Variants in FRMD5 observed in about 807,000 individuals in gnomAD.
The protein encoded by FRMD5 is FERM domain-containing protein 5.
FRMD5 carries 20 observed loss-of-function variants against 69.0 expected under a neutral mutation model. That is an observed-to-expected ratio of 0.29 (90% confidence interval 0.20 to 0.42). The LOEUF is 0.42. Ranked by LOEUF, FRMD5 falls within the 10% of genes least tolerant of loss-of-function variation. The pLI, the probability that FRMD5 is intolerant of heterozygous loss-of-function variation, is 1.00. For synonymous variants in FRMD5, 271 were observed against 260.1 expected (o/e 1.04, Z -0.40); for missense variants, 595 against 708.6 (o/e 0.84, Z 1.82).
At chr15:43,913,652 G>A (rs1168618077) in intron 4 of FRMD5, among the ~76,000 whole-genome samples, 1 of 152,246 alleles carries the variant, frequency 6.6e-6, no homozygotes, top group African/African-American at 2.4e-5. Flanking sequence ...CAGGGCCACT[G>A]TGTGTTGCCA....
At chr15:43,929,903 C>A (rs1351406138) in intron 1 of FRMD5, among the ~76,000 whole-genome samples, 1 of 152,214 alleles carries the variant, frequency 6.6e-6, no homozygotes, top group African/African-American at 2.4e-5. Flanking sequence ...GGTTCCAGAG[C>A]AGATGCTGTG....
chr15:44,077,049 C>T (rs967793392), intron 1 of FRMD5, among the ~76,000 whole-genome samples: 5 of 152,062 alleles, frequency 3.3e-5, no homozygotes, highest in Admixed American at 6.6e-5. Flanking sequence ...ACAACACTCT[C>T]GCCTTGATAC....
chr15:44,122,290 A>G (rs2076963886), intron 1 of FRMD5, among the ~76,000 whole-genome samples: 1 of 152,046 alleles, frequency 6.6e-6, no homozygotes, highest in Middle Eastern at 3.2e-3. Context: ...TAGGCTGGGC[A>G]TGGTGGCTCA....
chr15:44,092,215 T>A (rs2076483272), intron 1 of FRMD5, among the ~76,000 whole-genome samples: 1 of 152,156 alleles, frequency 6.6e-6, no homozygotes, highest in African/African-American at 2.4e-5. Flanking sequence ...GTCCTTCAGA[T>A]TCCACTTCCA....
intron 1 of FRMD5, among the ~76,000 whole-genome samples, chr15:43,966,704 C>T (rs1434585820): frequency 2.0e-5 from 3 of 152,072 alleles, no homozygotes; most frequent in Non-Finnish European, 4.4e-5. Flanking sequence ...TTGCTCAGAG[C>T]CAAAGGTTTA....
intron 1 of FRMD5, among the ~76,000 whole-genome samples, chr15:44,188,218 A>C (rs888966333): frequency 2.6e-5 from 4 of 152,218 alleles, no homozygotes; most frequent in African/African-American, 9.6e-5. Flanking sequence ...CAACAGCATC[A>C]AACTGGTATA....
At chr15:43,990,113 G>A (rs1401412037) in intron 1 of FRMD5, 30 of 642,738 alleles carry the variant, frequency 4.7e-5, no homozygotes, top group Middle Eastern at 3.3e-4. Context: ...GGTGGGCATC[G>A]TCACCTGCAA....
Position 43,942,317 on chromosome 15 carries a change from T to A in FRMD5, c.103-18008A>T, listed in dbSNP as rs574581926. 1.3e-4 allele frequency among the ~76,000 whole-genome samples: 20 copies of A among 152,326 alleles called. No individual in the cohort carries two copies. The East Asian group carries it at 3.9e-3, about 29-fold the overall frequency. ...CTCAAAGACAAGAGTCCCTCAGACATCTGCCCCCTCCCTCTCCTAGAGCAG... is the reference window on the plus strand; with the variant it reads ...CTCAAAGACAAGAGTCCCTCAGACAACTGCCCCCTCCCTCTCCTAGAGCAG... On this transcript the variant is annotated intron_variant, in intron 1 of 13. Coordinates refer to ENST00000417257, the MANE Select transcript of FRMD5 (RefSeq NM_032892.5).
intron 1 of FRMD5, among the ~76,000 whole-genome samples, chr15:44,016,657 A>C (rs1040628998): frequency 2.0e-5 from 3 of 152,014 alleles, no homozygotes; most frequent in Non-Finnish European, 4.4e-5. Flanking sequence ...CGGGAGGTGG[A>C]GGCTGCAGTG....
chr15:44,153,803 T>C (rs992411365), intron 1 of FRMD5, among the ~76,000 whole-genome samples: 38 of 152,084 alleles, frequency 2.5e-4, no homozygotes, highest in Non-Finnish European at 1.5e-5. Flanking sequence ...ACCCTGTCTC[T>C]ACAAAAATTC....
At chr15:43,890,470 G>C (rs1365804469) in intron 8 of FRMD5, among the ~76,000 whole-genome samples, 3 of 152,192 alleles carry the variant, frequency 2.0e-5, no homozygotes, top group Non-Finnish European at 4.4e-5. Flanking sequence ...CCCTCTAACA[G>C]GGACCTCACC....
intron 1 of FRMD5, among the ~76,000 whole-genome samples, chr15:44,136,924 G>T (rs568845252): frequency 2.0e-5 from 3 of 151,988 alleles, no homozygotes; most frequent in Non-Finnish European, 2.9e-5. Context: ...ACACAACAGC[G>T]ATAGATAAAA....
chr15:44,095,175 C>T (rs1464085228), intron 1 of FRMD5, among the ~76,000 whole-genome samples: 3 of 151,828 alleles, frequency 2.0e-5, no homozygotes, highest in Non-Finnish European at 4.4e-5. Flanking sequence ...ATTCATCTAA[C>T]AAGCACCTCC....
intron 1 of FRMD5, among the ~76,000 whole-genome samples, chr15:43,995,817 G>C (rs1009253881): frequency 6.6e-6 from 1 of 152,112 alleles, no homozygotes; most frequent in South Asian, 2.1e-4. Flanking sequence ...TGTAGGTCCT[G>C]GAGCCGTGAG....
At chr15:43,923,631 A>G (rs1446016606) in intron 2 of FRMD5, among the ~76,000 whole-genome samples, 1 of 152,206 alleles carries the variant, frequency 6.6e-6, no homozygotes, top group Non-Finnish European at 1.5e-5. Context: ...AGCTGGAGAA[A>G]TAGGCAGGGG....
intron 1 of FRMD5, among the ~76,000 whole-genome samples, chr15:43,973,084 G>A (rs944090902): frequency 2.0e-5 from 3 of 151,432 alleles, no homozygotes; most frequent in African/African-American, 4.8e-5. Flanking sequence ...GTGCAGTGGC[G>A]CGATCTCGGC....
At chr15:44,058,719 G>C (rs945951249) in intron 1 of FRMD5, among the ~76,000 whole-genome samples, 5 of 150,378 alleles carry the variant, frequency 3.3e-5, no homozygotes, top group African/African-American at 1.2e-4. Context: ...CTGGAAGGTG[G>C]AGCTTGCAGT....
At chr15:44,054,956 G>C (rs1308362253) in intron 1 of FRMD5, among the ~76,000 whole-genome samples, 1 of 151,774 alleles carries the variant, frequency 6.6e-6, no homozygotes, top group Non-Finnish European at 1.5e-5. Flanking sequence ...TGTAATCCCA[G>C]CTACTCAGGA....
At chr15:43,989,466 T>C in intron 1 of FRMD5, 3 of 813,376 alleles carry the variant, frequency 3.7e-6, no homozygotes, top group South Asian at 1.3e-5. Context: ...GGGCAGCTTG[T>C]AGCTATCTCC....
Sources: gnomAD v4.1 joint callset for allele counts (sites outside exome capture counted in the v4.1 genomes callset) on GRCh38, gnomAD v4.1.1 for gene constraint, MANE v1.5 for transcripts, NCBI Gene and HGNC (gene_info 2026-07-23, HGNC 2026-07-21) for gene names.